Variants in LRRC69 observed in about 807,000 individuals in gnomAD.
LRRC69 encodes the protein leucine-rich repeat-containing protein 69.
Under a neutral mutation model 37.8 loss-of-function variants are expected in LRRC69, and 42 were observed. The observed-to-expected ratio is 1.11, with a 90% CI of 0.87 to 1.44. LRRC69 has a LOEUF of 1.44. LRRC69 is among the 40% of genes most tolerant of loss of function. The probability of loss-of-function intolerance (pLI) is 0.00; values close to 1 mark genes in which losing one functional copy is unlikely to be tolerated. For synonymous variants in LRRC69, 141 were observed against 143.1 expected, an observed-to-expected ratio of 0.99 and a Z score of 0.11; for missense variants, 357 against 401.9, an observed-to-expected ratio of 0.89 and a Z score of 0.96.
intron 5 of LRRC69, among the ~76,000 whole-genome samples, chr8:91,137,988 A>G (rs1808450745): frequency 6.6e-6 from 1 of 152,066 alleles, no homozygotes; most frequent in South Asian, 2.1e-4. Context: ...GATTTAAAGC[A>G]TTAATTTCCT....
intron 5 of LRRC69, among the ~76,000 whole-genome samples, chr8:91,183,938 T>C (rs1280334867): frequency 6.6e-6 from 1 of 152,150 alleles, no homozygotes; most frequent in African/African-American, 2.4e-5. Flanking sequence ...AGGCATGAGA[T>C]AGCATAATTT....
intron 5 of LRRC69, among the ~76,000 whole-genome samples, chr8:91,152,984 C>G (rs966527184): frequency 1.1e-4 from 17 of 151,248 alleles, no homozygotes; most frequent in African/African-American, 3.6e-4. Context: ...AGAGACCCAT[C>G]TCATGTGCCA....
At chr8:91,104,041 T>G (rs1563589866) in intron 1 of LRRC69, among the ~76,000 whole-genome samples, 1 of 152,074 alleles carries the variant, frequency 6.6e-6, no homozygotes, top group Non-Finnish European at 1.5e-5. Context: ...TTAACTCATC[T>G]ATTTTATTGA....
At chr8:91,151,682 A>G (rs1586249058) in intron 5 of LRRC69, among the ~76,000 whole-genome samples, 3 of 151,750 alleles carry the variant, frequency 2.0e-5, no homozygotes, top group East Asian at 2.0e-4. Context: ...GCTGGGTCAA[A>G]TGGTATTTCT....
At chr8:91,168,815 A>C (rs1185612320) in intron 5 of LRRC69, among the ~76,000 whole-genome samples, 1 of 151,970 alleles carries the variant, frequency 6.6e-6, no homozygotes, top group Non-Finnish European at 1.5e-5. Context: ...GTCATATAAA[A>C]CAGTAGAATT....
At chr8:91,197,217 G>T (rs543033335) in intron 6 of LRRC69, among the ~76,000 whole-genome samples, 1 of 152,188 alleles carries the variant, frequency 6.6e-6, no homozygotes, top group African/African-American at 2.4e-5. Context: ...CTCCAGCCGC[G>T]TGCTGGGAGA....
chr8:91,218,985 A>T (rs1427030364), exon 8 of LRRC69: 1 of 1,548,736 alleles, frequency 6.5e-7, no homozygotes. Context: ...ACCTCTTTGG[A>T]ATTGCTCAGG....
chr8:91,123,086 G>T (rs932749747), intron 1 of LRRC69, among the ~76,000 whole-genome samples: 2 of 152,068 alleles, frequency 1.3e-5, no homozygotes, highest in Non-Finnish European at 2.9e-5. Context: ...TATAAGCCAA[G>T]GAATGGAGGC....
chr8:91,156,063 ATAG>A (rs1335345533), intron 5 of LRRC69, among the ~76,000 whole-genome samples: 1 of 150,294 alleles, frequency 6.7e-6, no homozygotes, highest in African/African-American at 2.4e-5. Flanking sequence ...TCCTTTGGAA[ATAG>A]TAGTGGTAGT....
At chr8:91,197,020 G>C (rs1809615692) in intron 6 of LRRC69, among the ~76,000 whole-genome samples, 1 of 151,066 alleles carries the variant, frequency 6.6e-6, no homozygotes, top group Non-Finnish European at 1.5e-5. Context: ...ATGGGTTTTT[G>C]GTGTGGATGT....
chr8:91,214,158 A>G (rs1809993592), intron 7 of LRRC69, among the ~76,000 whole-genome samples: 2 of 152,074 alleles, frequency 1.3e-5, no homozygotes, highest in South Asian at 4.1e-4. Flanking sequence ...GGTGGTGGAA[A>G]AGCAAGGAAA....
intron 5 of LRRC69, among the ~76,000 whole-genome samples, chr8:91,189,019 G>T (rs1356381966): frequency 6.6e-6 from 1 of 151,278 alleles, no homozygotes; most frequent in Admixed American, 6.6e-5. Flanking sequence ...ATATTTTCTT[G>T]GTCCCTAATA....
chr8:91,178,879 T>A (rs1196543425), intron 5 of LRRC69, among the ~76,000 whole-genome samples: 1 of 152,202 alleles, frequency 6.6e-6, no homozygotes, highest in African/African-American at 2.4e-5. Flanking sequence ...CATTCCTGGA[T>A]GTTTATGTGT....
Position 91,192,307 on chromosome 8 carries a change from C to T in LRRC69, c.753+2684C>T, listed in dbSNP as rs564064818. The stretch of plus-strand genomic sequence containing the variant: ...TGTGAATAGTGCTGCAATAAACATA[C>T]GTGTGCATGTGTCTTTACAGCAGCA... On this transcript the variant is annotated intron_variant, in intron 6 of 7. Transcript: ENST00000448384. Among the ~76,000 whole-genome samples the T allele has an allele frequency of 5.9e-4, 90 of 152,090 alleles. 3 individuals are homozygous for T. In the South Asian group the frequency reaches 0.017, roughly 29 times the overall value.
At chr8:91,175,141 A>G (rs1194106564) in intron 5 of LRRC69, among the ~76,000 whole-genome samples, 2 of 152,082 alleles carry the variant, frequency 1.3e-5, no homozygotes, top group African/African-American at 4.8e-5. Context: ...ACATAAATGG[A>G]GTTTAATTAA....
chr8:91,168,964 CA>C (rs1381754813), intron 5 of LRRC69, among the ~76,000 whole-genome samples: 1 of 151,702 alleles, frequency 6.6e-6, no homozygotes, highest in African/African-American at 2.4e-5. Flanking sequence ...GAGTCAAATA[CA>C]AAAAACAAAC....
Position 91,102,943 on chromosome 8 carries a change from A to G in LRRC69, c.183+99A>G, listed in dbSNP as rs115145917. ...AGACAGAACAATAACACTTCGATCT[A>G]TGGAGACTTAGGTATCTGGAGACTT... On this transcript the variant is annotated intron_variant, in intron 1 of 7. Coordinates refer to ENST00000448384, the Ensembl canonical transcript of LRRC69. 1,288 of 1,145,518 alleles carry G rather than the reference A, an allele frequency of 1.1e-3. 14 individuals are homozygous for G. The African/African-American group carries it at 0.018, about 16-fold the overall frequency. 71.0% of individuals were successfully genotyped at this position (1,145,518 alleles called of 1,614,324 possible).
intron 5 of LRRC69, among the ~76,000 whole-genome samples, chr8:91,155,853 A>G (rs1808824218): frequency 7.0e-6 from 1 of 142,620 alleles, no homozygotes; most frequent in African/African-American, 2.9e-5. Context: ...CTTTTTGTGA[A>G]TATGTATGTG....
At chr8:91,131,648 C>A (rs1179850690) in intron 3 of LRRC69, among the ~76,000 whole-genome samples, 1 of 151,780 alleles carries the variant, frequency 6.6e-6, no homozygotes, top group Non-Finnish European at 1.5e-5. Flanking sequence ...AAATCTTAAA[C>A]TTTTTATTTT....
Sources: gnomAD v4.1 joint callset for allele counts (sites outside exome capture counted in the v4.1 genomes callset) on GRCh38, gnomAD v4.1.1 for gene constraint, MANE v1.5 for transcripts, NCBI Gene and HGNC (gene_info 2026-07-23, HGNC 2026-07-21) for gene names.